PLD5: variants seen among roughly 807,000 people sequenced by gnomAD.
PLD5 encodes inactive phospholipase D5.
In PLD5, 36 loss-of-function variants were observed where a neutral mutation model predicts 61.1. The ratio of observed to expected loss-of-function variants is 0.59; its 90% CI spans 0.45 to 0.78. The LOEUF (loss-of-function observed/expected upper bound fraction) is 0.78, where lower values mean the gene tolerates loss of function less well. Ranked by LOEUF, PLD5 falls within the 30% of genes least tolerant of loss-of-function variation. The probability of loss-of-function intolerance (pLI) is 0.00; values close to 1 mark genes in which losing one functional copy is unlikely to be tolerated. For missense variants in PLD5, 515 were observed against 644.4 expected (o/e 0.80, Z 2.17); for synonymous variants, 243 against 242.8 (o/e 1.00, Z -0.01).
At chr1:242,123,180 T>C (rs1662520187) in intron 6 of PLD5, among the ~76,000 whole-genome samples, 1 of 152,194 alleles carries the variant, frequency 6.6e-6, no homozygotes, top group African/African-American at 2.4e-5. Flanking sequence ...ACTATGACTT[T>C]AAGCAAACTG....
chr1:242,391,443 CA>C (rs1662926995), intron 1 of PLD5, among the ~76,000 whole-genome samples: 1 of 152,078 alleles, frequency 6.6e-6, no homozygotes, highest in African/African-American at 2.4e-5. Flanking sequence ...TTTAAACACA[CA>C]AAAGGTGAGA....
rs190202504 is a variant in PLD5, at chr1:242,460,946, C to T, written c.189+63142G>A. Among the ~76,000 whole-genome samples the T allele has an allele frequency of 3.9e-5, 6 of 151,954 alleles. No homozygotes were observed. In the East Asian group the frequency reaches 1.2e-3, roughly 29 times the overall value. ...CCTGAGGTCAGGAGTTCCAGACCAG[C>T]CTGGGCAAGGTGGTGAAACCCCATC... On this transcript the variant is annotated intron_variant, in intron 1 of 9. Transcript: ENST00000536534.
At chr1:242,328,065 C>T (rs1413042310) in intron 2 of PLD5, among the ~76,000 whole-genome samples, 1 of 151,970 alleles carries the variant, frequency 6.6e-6, no homozygotes, top group African/African-American at 2.4e-5. Flanking sequence ...ACAGAGGAGA[C>T]CCTGCTGCTA....
intron 1 of PLD5, among the ~76,000 whole-genome samples, chr1:242,354,142 T>C (rs1660627156): frequency 6.6e-6 from 1 of 152,000 alleles, no homozygotes; most frequent in African/African-American, 2.4e-5. Flanking sequence ...CAGATGATGA[T>C]GAAAGTGATC....
chr1:242,403,522 T>C (rs1295793252), intron 1 of PLD5, among the ~76,000 whole-genome samples: 2 of 150,968 alleles, frequency 1.3e-5, no homozygotes, highest in East Asian at 2.0e-4. Flanking sequence ...TGGAGTGCAA[T>C]GGCACGATCT....
chr1:242,161,207 G>C (rs1665798036), intron 5 of PLD5, among the ~76,000 whole-genome samples: 1 of 152,098 alleles, frequency 6.6e-6, no homozygotes, highest in Admixed American at 6.5e-5. Context: ...GTTGCACATG[G>C]CTGGGGATTC....
At chr1:242,404,783 T>A (rs578100900) in intron 1 of PLD5, among the ~76,000 whole-genome samples, 1 of 151,622 alleles carries the variant, frequency 6.6e-6, no homozygotes, top group South Asian at 2.1e-4. Context: ...AAACCCCTAA[T>A]ATCTATGACT....
At chr1:242,445,233 GC>G (rs1666474490) in intron 1 of PLD5, among the ~76,000 whole-genome samples, 7 of 152,166 alleles carry the variant, frequency 4.6e-5, no homozygotes, top group Non-Finnish European at 2.9e-5. Context: ...TGAACACACA[GC>G]GAGAAGGCAT....
At chr1:242,349,284 C>T (rs200078834) in intron 1 of PLD5, among the ~76,000 whole-genome samples, 1 of 152,112 alleles carries the variant, frequency 6.6e-6, no homozygotes, top group African/African-American at 2.4e-5. Flanking sequence ...TTCTAGGTAG[C>T]GGGCTTCAGA....
chr1:242,425,010 C>T (rs1266183117), intron 1 of PLD5, among the ~76,000 whole-genome samples: 1 of 152,030 alleles, frequency 6.6e-6, no homozygotes, highest in Non-Finnish European at 1.5e-5. Context: ...TGCACGCCTG[C>T]AATCCTAGCT....
chr1:242,304,931 C>T (rs1676262723), intron 2 of PLD5, among the ~76,000 whole-genome samples: 1 of 152,082 alleles, frequency 6.6e-6, no homozygotes, highest in Admixed American at 6.6e-5. Flanking sequence ...TGGTGAAACC[C>T]TGTCTCTACA....
chr1:242,364,546 A>G (rs1290163177), intron 1 of PLD5, among the ~76,000 whole-genome samples: 2 of 151,998 alleles, frequency 1.3e-5, no homozygotes. Context: ...GTGAAGCCCC[A>G]TCTCTATTAA....
intron 2 of PLD5, among the ~76,000 whole-genome samples, chr1:242,340,932 G>A (rs1659794883): frequency 1.3e-5 from 2 of 151,650 alleles, no homozygotes; most frequent in South Asian, 2.1e-4. Context: ...CGTTTCCTGC[G>A]GTATCATTGT....
rs1664953839 is a variant in PLD5, at chr1:242,418,567, A to T, written c.190-70325T>A. Among the ~76,000 whole-genome samples the T allele has an allele frequency of 2.6e-5, 4 of 152,190 alleles. No homozygotes were observed. The South Asian group carries it at 8.3e-4, about 32-fold the overall frequency. On this transcript the variant is annotated intron_variant, in intron 1 of 9. Coordinates refer to ENST00000536534, the MANE Select transcript of PLD5 (RefSeq NM_001372062.1). ...CAGCAAAGGAGACCACAGCAAAGTC[A>T]GGAGAATGGGGAGTCTTGGAAACTC... is the stretch of plus-strand genomic sequence containing the variant.
intron 2 of PLD5, among the ~76,000 whole-genome samples, chr1:242,314,552 G>A (rs1197389595): frequency 6.6e-6 from 1 of 152,160 alleles, no homozygotes; most frequent in Non-Finnish European, 1.5e-5. Context: ...TTGCCTTTGT[G>A]CCTCTATGTG....
chr1:242,274,299 G>A (rs1382083868), intron 3 of PLD5, among the ~76,000 whole-genome samples: 2 of 152,234 alleles, frequency 1.3e-5, no homozygotes, highest in African/African-American at 4.8e-5. Context: ...TATAATCCCA[G>A]TGCTTTGGAA....
intron 1 of PLD5, among the ~76,000 whole-genome samples, chr1:242,486,117 A>C (rs1572227169): frequency 6.6e-6 from 1 of 152,272 alleles, no homozygotes; most frequent in South Asian, 2.1e-4. Flanking sequence ...AAACCCTAGA[A>C]GAAAACCTAG....
chr1:242,096,045 G>T (rs903194974), intron 9 of PLD5, among the ~76,000 whole-genome samples: 2 of 151,344 alleles, frequency 1.3e-5, no homozygotes, highest in African/African-American at 2.4e-5. Context: ...TGCAAGCTCC[G>T]CCTCCCGAGT....
chr1:242,472,850 A>G (rs964226468), intron 1 of PLD5, among the ~76,000 whole-genome samples: 2 of 152,212 alleles, frequency 1.3e-5, no homozygotes, highest in African/African-American at 4.8e-5. Context: ...TCAAATGAAC[A>G]ATTTACAAGT....
Sources: allele counts gnomAD v4.1 joint callset (sites outside exome capture counted in the v4.1 genomes callset), GRCh38; gene constraint gnomAD v4.1.1; transcripts MANE v1.5; gene names NCBI Gene and HGNC (gene_info 2026-07-23, HGNC 2026-07-21).